The following N4BP1 variants were observed in gnomAD, a reference collection of about 807,000 sequenced individuals.
The protein encoded by N4BP1 is NEDD4-binding protein 1.
In N4BP1, 21 loss-of-function variants were observed where a neutral mutation model predicts 70.9. The observed-to-expected ratio is 0.30, with a 90% CI of 0.21 to 0.43. The LOEUF is 0.43. Among genes scored for constraint, N4BP1 ranks in the 20% least tolerant of loss-of-function variants. The probability of loss-of-function intolerance (pLI) is 1.00; values close to 1 mark genes in which losing one functional copy is unlikely to be tolerated. For synonymous variants in N4BP1, 387 were observed against 394.6 expected (o/e 0.98, Z 0.23); for missense variants, 936 against 1,069.4 (o/e 0.88, Z 1.74).
chr16:48,544,860 G>A (rs1963565960), intron 6 of N4BP1, among the ~76,000 whole-genome samples: 1 of 152,148 alleles, frequency 6.6e-6, no homozygotes, highest in African/African-American at 2.4e-5. Flanking sequence ...CATACAAAAT[G>A]ACCCCATCAG....
At chr16:48,559,158 G>A (rs944376954) in intron 2 of N4BP1, among the ~76,000 whole-genome samples, 1 of 151,968 alleles carries the variant, frequency 6.6e-6, no homozygotes, top group African/African-American at 2.4e-5. Context: ...GAACCCCTGG[G>A]AATTCATTAT....
chr16:48,545,455 G>A (rs1963576523), intron 6 of N4BP1, among the ~76,000 whole-genome samples: 1 of 143,596 alleles, frequency 7.0e-6, no homozygotes, highest in East Asian at 2.2e-4. Flanking sequence ...GCGTGCACCT[G>A]TAATCCCAGC....
chr16:48,551,280 A>G, intron 4 of N4BP1, 106 bp downstream of exon 4: 1 of 714,920 alleles, frequency 1.4e-6, no homozygotes, highest in Admixed American at 2.3e-5. Context: ...TATTAAACCC[A>G]CTGCATCAAG....
At chr16:48,544,296 G>C (rs1333315878) in intron 6 of N4BP1, among the ~76,000 whole-genome samples, 3 of 152,190 alleles carry the variant, frequency 2.0e-5, no homozygotes. Flanking sequence ...AGGTAGAAGA[G>C]ACCACCATGT....
At chr16:48,588,294 CT>C (rs34308285) in intron 1 of N4BP1, among the ~76,000 whole-genome samples, 51,804 of 134,724 alleles carry the variant, frequency 0.38, 9,678 homozygotes, top group African/African-American at 0.51. Context: ...ACTATGTTTT[CT>C]TTTTTTTTTT....
At chr16:48,572,984 T>C (rs188730000) in intron 1 of N4BP1, among the ~76,000 whole-genome samples, 4 of 151,516 alleles carry the variant, frequency 2.6e-5, no homozygotes, top group East Asian at 2.0e-4. Context: ...TGGTGGTGCA[T>C]GTCTGTAGTA....
chr16:48,550,252 C>T (rs1963647306), intron 4 of N4BP1, among the ~76,000 whole-genome samples: 1 of 152,158 alleles, frequency 6.6e-6, no homozygotes, highest in African/African-American at 2.4e-5. Context: ...GTGACTCATG[C>T]CTGTAATCCC....
chr16:48,566,857 A>G (rs983562275), intron 1 of N4BP1, among the ~76,000 whole-genome samples: 1 of 152,182 alleles, frequency 6.6e-6, no homozygotes, highest in African/African-American at 2.4e-5. Context: ...CAGTTCTGCC[A>G]GTTTTTGGTT....
At chr16:48,579,163 G>A (rs1438878228) in intron 1 of N4BP1, among the ~76,000 whole-genome samples, 1 of 152,202 alleles carries the variant, frequency 6.6e-6, no homozygotes, top group South Asian at 2.1e-4. Context: ...AATGTCAGAT[G>A]AGAAACCCTG....
At chr16:48,578,969 C>G (rs1270411483) in intron 1 of N4BP1, among the ~76,000 whole-genome samples, 1 of 152,138 alleles carries the variant, frequency 6.6e-6, no homozygotes, top group African/African-American at 2.4e-5. Flanking sequence ...TGGTTCTCAG[C>G]TAGGTGAGAT....
At chr16:48,581,493 G>C (rs532389807) in intron 1 of N4BP1, among the ~76,000 whole-genome samples, 95 of 152,128 alleles carry the variant, frequency 6.2e-4, no homozygotes, top group Admixed American at 1.8e-3. Context: ...TTACTATATA[G>C]GAAACCCCTA....
intron 1 of N4BP1, among the ~76,000 whole-genome samples, chr16:48,607,500 G>A (rs1040187845): frequency 2.0e-5 from 3 of 152,190 alleles, no homozygotes; most frequent in African/African-American, 7.2e-5. Flanking sequence ...GTAGGTTCCA[G>A]GGCAGGAGAA....
intron 1 of N4BP1, among the ~76,000 whole-genome samples, chr16:48,599,333 G>A (rs1337028921): frequency 6.6e-6 from 1 of 152,164 alleles, no homozygotes; most frequent in Non-Finnish European, 1.5e-5. Context: ...AGGAGCTAAT[G>A]GGGGCATGGT....
intron 1 of N4BP1, among the ~76,000 whole-genome samples, chr16:48,564,716 C>T (rs1221259042): frequency 6.6e-6 from 1 of 152,152 alleles, no homozygotes; most frequent in African/African-American, 2.4e-5. Flanking sequence ...ATTTTATCAG[C>T]AATTGTGCTG....
At chr16:48,559,983 T>C (rs1043349870) in intron 2 of N4BP1, among the ~76,000 whole-genome samples, 3 of 152,154 alleles carry the variant, frequency 2.0e-5, no homozygotes, top group Non-Finnish European at 4.4e-5. Flanking sequence ...GGCAACAGAT[T>C]GCAGCAACTG....
chr16:48,539,034 A>G lies in N4BP1; in HGVS notation c.*3870T>C, dbSNP rs1473332838. 1 of 152,232 alleles carries G rather than the reference A, an allele frequency of 6.6e-6. No individual in the cohort carries two copies. Among genetic ancestry groups the G allele is most frequent in the Non-Finnish European group, 1.5e-5 (1 of 68,074 alleles). 9.4% of individuals were successfully genotyped at this position (152,232 alleles called of 1,614,324 possible). ...TTTGGGAGAAGGGCATCTCTAGCGG[A>G]GAGAGGTCCATCTGCAGAGCCCACA... On this transcript the variant is annotated 3_prime_UTR_variant, in exon 7 of 7. Transcript: ENST00000262384.
At chr16:48,570,211 C>T (rs537036237) in intron 1 of N4BP1, among the ~76,000 whole-genome samples, 1 of 152,284 alleles carries the variant, frequency 6.6e-6, no homozygotes, top group Admixed American at 6.5e-5. Flanking sequence ...CTTTTCTGTC[C>T]CTTGGGCTGA....
intron 1 of N4BP1, among the ~76,000 whole-genome samples, chr16:48,573,210 CTA>C (rs1423679074): frequency 6.6e-6 from 1 of 151,824 alleles, no homozygotes; most frequent in African/African-American, 2.4e-5. Context: ...CACTGGGTAA[CTA>C]AAAAACATAA....
At chr16:48,555,345 C>T (rs935628926) in intron 2 of N4BP1, among the ~76,000 whole-genome samples, 2 of 152,200 alleles carry the variant, frequency 1.3e-5, no homozygotes, top group African/African-American at 2.4e-5. Flanking sequence ...CACGCCTGCC[C>T]TTTCCACGAC....
Sources: allele counts gnomAD v4.1 joint callset (sites outside exome capture counted in the v4.1 genomes callset), GRCh38; gene constraint gnomAD v4.1.1; transcripts MANE v1.5; gene names NCBI Gene and HGNC (gene_info 2026-07-23, HGNC 2026-07-21).